Variants in AMD1 observed in about 807,000 individuals in gnomAD.
AMD1 encodes the protein adenosylmethionine decarboxylase 1.
Under a neutral mutation model 40.2 loss-of-function variants are expected in AMD1, and 11 were observed. That is an observed-to-expected ratio of 0.27 (90% CI 0.17 to 0.45). The LOEUF (loss-of-function observed/expected upper bound fraction) is 0.45, where lower values mean the gene tolerates loss of function less well. Among genes scored for constraint, AMD1 ranks in the 20% least tolerant of loss-of-function variants. AMD1 has a pLI of 1.00. For synonymous variants in AMD1, 121 were observed against 130.8 expected (o/e 0.93, Z 0.51); for missense variants, 257 against 410.2 (o/e 0.63, Z 3.23).
chr6:110,886,662 AC>A (rs1409870936), intron 1 of AMD1, among the ~76,000 whole-genome samples: 2 of 152,172 alleles, frequency 1.3e-5, no homozygotes, highest in Non-Finnish European at 2.9e-5. Context: ...GGTTCTAGCT[AC>A]CTGAGAGACT....
At chr6:110,880,625 T>G (rs1013525918) in intron 1 of AMD1, among the ~76,000 whole-genome samples, 1 of 150,382 alleles carries the variant, frequency 6.6e-6, no homozygotes, top group Non-Finnish European at 1.5e-5. Context: ...TGTTTTTCCC[T>G]GTTATGTAGG....
the AMD1 span, chr6:110,864,197 G>GGATTA: frequency 3.3e-4 from 51 of 156,314 alleles, no homozygotes; most frequent in African/African-American, 1.2e-3. Context: ...GCCCGCCTTG[G>GGATTA]CCTCCCAAAG....
the AMD1 span, among the ~76,000 whole-genome samples, chr6:110,842,318 A>G: frequency 1.3e-5 from 2 of 152,234 alleles, no homozygotes; most frequent in African/African-American, 4.8e-5. Flanking sequence ...GGGGGCAGAT[A>G]TGCTTACAGC....
chr6:110,868,341 G>T, the AMD1 span, among the ~76,000 whole-genome samples: 2 of 151,886 alleles, frequency 1.3e-5, no homozygotes, highest in Admixed American at 6.6e-5. Flanking sequence ...TTAGAGACAG[G>T]GTTTCAACCT....
intron 8 of AMD1, among the ~76,000 whole-genome samples, 164 bp downstream of exon 8, chr6:110,893,229 T>A (rs1177400974): frequency 3.9e-5 from 6 of 152,220 alleles, no homozygotes; most frequent in Admixed American, 6.5e-5. Flanking sequence ...AAGCTTTGTT[T>A]CATTAGACCT....
chr6:110,827,765 C>CA, the AMD1 span, among the ~76,000 whole-genome samples: 310 of 91,126 alleles, frequency 3.4e-3, 2 homozygotes, highest in Admixed American at 1.0e-2. Flanking sequence ...AACTCCATCT[C>CA]AAAAAAAAAA....
chr6:110,891,382 G>T (rs2115310353), intron 4 of AMD1: 2 of 152,270 alleles, frequency 1.3e-5, no homozygotes, highest in Middle Eastern at 3.4e-3. Context: ...CTAGTGCTCT[G>T]CTCCAGCATT....
the AMD1 span, among the ~76,000 whole-genome samples, chr6:110,863,377 T>TA: frequency 6.6e-6 from 1 of 150,916 alleles, no homozygotes; most frequent in Non-Finnish European, 1.5e-5. Flanking sequence ...CTTGCTTTTT[T>TA]TTTTTTTTTT....
chr6:110,831,558 G>A, the AMD1 span, among the ~76,000 whole-genome samples: 3 of 152,114 alleles, frequency 2.0e-5, no homozygotes, highest in African/African-American at 7.2e-5. Context: ...ACCTTCCGAA[G>A]TGCCGGGATT....
the AMD1 span, among the ~76,000 whole-genome samples, chr6:110,822,654 C>T: frequency 1.3e-5 from 2 of 152,050 alleles, no homozygotes; most frequent in Non-Finnish European, 2.9e-5. Flanking sequence ...GACAAATATC[C>T]CTGATGAACA....
Position 110,892,731 on chromosome 6 carries a change from C to CCG in AMD1, c.616-3_616-2insGC, listed in dbSNP as rs1554238023. 2.6e-5 allele frequency: 42 copies of CCG among 1,611,784 alleles called. No homozygotes were observed. The highest frequency in any genetic ancestry group is 3.5e-5 in the Non-Finnish European group (41 of 1,179,132). ...TGTTAAACTCGGTCTTTTTCCCCCC[C>CCG]CAGGAGAGTGGAATTCGTGACCTGA... On this transcript the variant is annotated splice_region_variant and splice_polypyrimidine_tract_variant and intron_variant, in intron 6 of 8. Coordinates refer to ENST00000368885, the MANE Select transcript of AMD1 (RefSeq NM_001634.6).
the AMD1 span, chr6:110,814,903 C>T: frequency 6.7e-7 from 1 of 1,489,008 alleles, no homozygotes; most frequent in Non-Finnish European, 9.2e-7. Context: ...CCCCCTCCGC[C>T]TCGCCCCTCG....
chr6:110,876,889 A>G (rs1396973799), intron 1 of AMD1, among the ~76,000 whole-genome samples: 18 of 152,218 alleles, frequency 1.2e-4, no homozygotes, highest in Admixed American at 1.2e-3. Context: ...GGCTTTTTAA[A>G]TGTTTGAGCC....
chr6:110,827,909 C>A, the AMD1 span, among the ~76,000 whole-genome samples: 1 of 152,082 alleles, frequency 6.6e-6, no homozygotes, highest in Non-Finnish European at 1.5e-5. Flanking sequence ...TTTCTGTCAA[C>A]AGATTATAAG....
chr6:110,890,230 T>C (rs746263900), intron 3 of AMD1, 24 bp from the exon 4 acceptor site: 24 of 1,482,428 alleles, frequency 1.6e-5, no homozygotes, highest in Non-Finnish European at 1.7e-5. Context: ...TCTTTTTTTT[T>C]CTTTCTTTTC....
At chr6:110,884,472 T>TA in intron 1 of AMD1, among the ~76,000 whole-genome samples, 1 of 152,164 alleles carries the variant, frequency 6.6e-6, no homozygotes, top group East Asian at 1.9e-4. Context: ...CTTGCTCTGT[T>TA]ACCCTGGCTG....
chr6:110,842,172 G>A, the AMD1 span, among the ~76,000 whole-genome samples: 3 of 152,152 alleles, frequency 2.0e-5, no homozygotes, highest in African/African-American at 7.2e-5. Context: ...GGAGACAAGA[G>A]AGTGTTCATG....
At chr6:110,815,323 A>C in the AMD1 span, 2 of 484,732 alleles carry the variant, frequency 4.1e-6, no homozygotes, top group South Asian at 5.5e-5. Context: ...CACAGCAGCC[A>C]CCTCCTCCAC....
At chr6:110,872,149 G>A (rs1784929478), upstream of AMD1, among the ~76,000 whole-genome samples, 1 of 152,304 alleles carries the variant, frequency 6.6e-6, no homozygotes, top group East Asian at 1.9e-4. Context: ...TGCCATTTCA[G>A]TCAAGTGCTA....
Sources: allele counts gnomAD v4.1 joint callset (sites outside exome capture counted in the v4.1 genomes callset), GRCh38; gene constraint gnomAD v4.1.1; transcripts MANE v1.5; gene names NCBI Gene and HGNC (gene_info 2026-07-23, HGNC 2026-07-21).